The following SRD5A2 variants were observed in gnomAD, a reference collection of about 807,000 sequenced individuals.
SRD5A2 encodes steroid 5 alpha-reductase 2, also known as 3-oxo-5-alpha-steroid 4-dehydrogenase 2.
Under a neutral mutation model 27.4 loss-of-function variants are expected in SRD5A2, and 30 were observed. The ratio of observed to expected loss-of-function variants is 1.10; its 90% CI spans 0.82 to 1.49. The LOEUF is 1.49. Ranked by LOEUF, SRD5A2 falls within the 40% of genes most tolerant of loss-of-function variation. The probability of loss-of-function intolerance (pLI) is 0.00; values close to 1 mark genes in which losing one functional copy is unlikely to be tolerated. For missense variants in SRD5A2, 348 were observed against 323.4 expected (o/e 1.08, Z -0.58); for synonymous variants, 141 against 133.6 (o/e 1.06, Z -0.38).
chr2:31,639,839 G>C, the SRD5A2 span, among the ~76,000 whole-genome samples: 2 of 152,002 alleles, frequency 1.3e-5, no homozygotes, highest in South Asian at 2.1e-4. Context: ...ATTTTGGGTT[G>C]AATCTGTTTA....
At chr2:31,621,043 T>C in the SRD5A2 span, among the ~76,000 whole-genome samples, 2,703 of 150,734 alleles carry the variant, frequency 0.018, 54 homozygotes, top group African/African-American at 0.038. Context: ...TTAAATTTTA[T>C]ATTTTGAGAC....
chr2:31,633,905 C>A, the SRD5A2 span, among the ~76,000 whole-genome samples: 3 of 152,128 alleles, frequency 2.0e-5, no homozygotes, highest in African/African-American at 7.2e-5. Context: ...AATTAGGAAC[C>A]TGCACATTGT....
At chr2:31,632,611 G>A in the SRD5A2 span, among the ~76,000 whole-genome samples, 2 of 152,104 alleles carry the variant, frequency 1.3e-5, no homozygotes, top group African/African-American at 2.4e-5. Context: ...ACACTGGCAC[G>A]GCCTTCTCGG....
At chr2:31,586,305 G>C in the SRD5A2 span, among the ~76,000 whole-genome samples, 2 of 152,282 alleles carry the variant, frequency 1.3e-5, no homozygotes, top group South Asian at 4.2e-4. Context: ...AACATCTCTG[G>C]ACCCACCTGG....
At position 31,523,189 on chromosome 2, in the gene SRD5A2, G is replaced by A. The variant is rs1359396281; in HGVS notation, c.*3007C>T. 1 of 216,220 alleles carries A rather than the reference G, an allele frequency of 4.6e-6. No homozygotes were observed. The highest frequency in any genetic ancestry group is 9.3e-6 in the Non-Finnish European group (1 of 107,412). The allele number at this position is 216,220 out of a possible 1,614,324, so 13.4% of individuals were successfully genotyped here. A position where few individuals can be genotyped will look rare whatever the true frequency, so the allele number is the denominator to read the frequency against. On this transcript the variant is annotated 3_prime_UTR_variant, in exon 5 of 5. Transcript: ENST00000622030. ...CACATGTTGTCTTGACTACACCAATGAGGGAAAACTCTCTATTCTGTCAAA... is the reference window on the plus strand; with the variant it reads ...CACATGTTGTCTTGACTACACCAATAAGGGAAAACTCTCTATTCTGTCAAA...
At chr2:31,596,385 CAAAAAAAAAAAAA>C in the SRD5A2 span, among the ~76,000 whole-genome samples, 4 of 63,898 alleles carry the variant, frequency 6.3e-5, no homozygotes, top group African/African-American at 2.2e-4. Context: ...AAGACTCCAC[CAAAAAAAAAAAAA>C]AAAAAAAAAG....
the SRD5A2 span, among the ~76,000 whole-genome samples, chr2:31,631,184 G>A: frequency 1.3e-5 from 2 of 152,140 alleles, no homozygotes; most frequent in Admixed American, 6.6e-5. Flanking sequence ...AAATACTCAG[G>A]AACCTAGCCC....
chr2:31,606,965 A>G, the SRD5A2 span, among the ~76,000 whole-genome samples: 1 of 151,986 alleles, frequency 6.6e-6, no homozygotes, highest in Admixed American at 6.6e-5. Context: ...TGAATATCTC[A>G]ACAGAGAAAT....
chr2:31,569,689 A>AC (rs1553328039), intron 1 of SRD5A2, among the ~76,000 whole-genome samples: 1 of 151,742 alleles, frequency 6.6e-6, no homozygotes, highest in African/African-American at 2.4e-5. Context: ...AAAAAAAAAA[A>AC]ACACAACAAA....
At chr2:31,641,809 A>G in the SRD5A2 span, among the ~76,000 whole-genome samples, 1 of 152,144 alleles carries the variant, frequency 6.6e-6, no homozygotes, top group Non-Finnish European at 1.5e-5. Context: ...ATCACTCAAC[A>G]TTGTTAAAAT....
chr2:31,621,675 A>G, the SRD5A2 span, among the ~76,000 whole-genome samples: 1 of 152,122 alleles, frequency 6.6e-6, no homozygotes, highest in African/African-American at 2.4e-5. Flanking sequence ...TCTGTCACCC[A>G]GACTAGAGTG....
chr2:31,571,504 C>T (rs566650653), intron 1 of SRD5A2, among the ~76,000 whole-genome samples: 2 of 151,958 alleles, frequency 1.3e-5, no homozygotes, highest in East Asian at 3.9e-4. Flanking sequence ...TGCAACGTAA[C>T]CAAAAATTGA....
At chr2:31,532,292 C>CT (rs1315037391) in intron 2 of SRD5A2, among the ~76,000 whole-genome samples, 1 of 152,076 alleles carries the variant, frequency 6.6e-6, no homozygotes, top group Non-Finnish European at 1.5e-5. Flanking sequence ...GAAACACCCA[C>CT]TCTCATGAAA....
chr2:31,633,273 C>A, the SRD5A2 span, among the ~76,000 whole-genome samples: 1 of 152,164 alleles, frequency 6.6e-6, no homozygotes, highest in Non-Finnish European at 1.5e-5. Flanking sequence ...CTTTTGCCTG[C>A]AGCTAATCAA....
intron 3 of SRD5A2, 126 bp from the exon 4 acceptor site, chr2:31,529,583 A>G: frequency 7.8e-7 from 1 of 1,290,038 alleles, no homozygotes; most frequent in South Asian, 1.6e-5. Context: ...CTCCCTCCAT[A>G]GTCATAGGAG....
At chr2:31,583,951 A>G (rs926702009), upstream of SRD5A2, among the ~76,000 whole-genome samples, 3 of 152,126 alleles carry the variant, frequency 2.0e-5, no homozygotes, top group East Asian at 1.9e-4. Flanking sequence ...TTTCTGCAGG[A>G]AAGAGTGGGC....
chr2:31,523,389 G>T lies in SRD5A2; in HGVS notation c.*2807C>A, dbSNP rs1572625158. 4.7e-5 allele frequency: 10 copies of T among 214,486 alleles called. No homozygotes were observed. In the East Asian group the frequency reaches 6.9e-4, roughly 15 times the overall value. 13.3% of individuals were successfully genotyped at this position (214,486 alleles called of 1,614,324 possible). On this transcript the variant is annotated 3_prime_UTR_variant, in exon 5 of 5. Coordinates refer to ENST00000622030, the MANE Select transcript of SRD5A2 (RefSeq NM_000348.4). ...TCCAGATGGCAGCCCTAAAGGCTGT[G>T]CCTTAAGCAGAAGAAGCATACATCT...
chr2:31,523,071 T>A lies in SRD5A2; in HGVS notation c.*3125A>T, dbSNP rs1665693256. 2 of 218,070 alleles carry A rather than the reference T, an allele frequency of 9.2e-6. No homozygotes were observed. The highest frequency in any genetic ancestry group is 1.2e-4 in the Admixed American group (2 of 17,260). 13.5% of individuals were successfully genotyped at this position (218,070 alleles called of 1,614,324 possible). A position where few individuals can be genotyped will look rare whatever the true frequency, so the allele number is the denominator to read the frequency against. On this transcript the variant is annotated 3_prime_UTR_variant, in exon 5 of 5. Coordinates refer to ENST00000622030, the MANE Select transcript of SRD5A2 (RefSeq NM_000348.4). ...TTCTCATTAGAGCTCCTTTTTCCTTTTAGAATACAGTGGAGCCACTGTTGT... is the reference window on the plus strand; with the variant it reads ...TTCTCATTAGAGCTCCTTTTTCCTTATAGAATACAGTGGAGCCACTGTTGT...
intron 1 of SRD5A2, among the ~76,000 whole-genome samples, chr2:31,538,490 C>A (rs1431268838): frequency 6.6e-6 from 1 of 152,214 alleles, no homozygotes; most frequent in Non-Finnish European, 1.5e-5. Flanking sequence ...TTGACCACCA[C>A]ATTTACTCCA....
Sources: gnomAD v4.1 joint callset for allele counts (sites outside exome capture counted in the v4.1 genomes callset) on GRCh38, gnomAD v4.1.1 for gene constraint, MANE v1.5 for transcripts, NCBI Gene and HGNC (gene_info 2026-07-23, HGNC 2026-07-21) for gene names.